Variants in PHKB observed in about 807,000 individuals in gnomAD.
The protein encoded by PHKB is phosphorylase b kinase regulatory subunit beta.
PHKB carries 122 observed loss-of-function variants against 152.1 expected under a neutral mutation model. The observed-to-expected ratio is 0.80, with a 90% CI of 0.69 to 0.93. The LOEUF (loss-of-function observed/expected upper bound fraction) is 0.93. Among genes scored for constraint, PHKB ranks in the 40% least tolerant of loss-of-function variants. The pLI, the probability that PHKB is intolerant of heterozygous loss-of-function variation, is 0.00. For missense variants in PHKB, 1,304 were observed against 1,328.4 expected (o/e 0.98, Z 0.29); for synonymous variants, 436 against 464.9 (o/e 0.94, Z 0.80).
chr16:47,555,482 A>G (rs1464396768), intron 7 of PHKB, among the ~76,000 whole-genome samples: 1 of 152,222 alleles, frequency 6.6e-6, no homozygotes, highest in Non-Finnish European at 1.5e-5. Flanking sequence ...ACTATCTCCC[A>G]AACAAATGTT....
chr16:47,512,711 T>G (rs1202682962), intron 5 of PHKB, among the ~76,000 whole-genome samples: 1 of 152,252 alleles, frequency 6.6e-6, no homozygotes, highest in Non-Finnish European at 1.5e-5. Flanking sequence ...GTATTGTTTT[T>G]TAGCTGGACA....
At chr16:47,530,842 G>T (rs1970850138) in intron 6 of PHKB, among the ~76,000 whole-genome samples, 1 of 152,064 alleles carries the variant, frequency 6.6e-6, no homozygotes, top group Admixed American at 6.6e-5. Context: ...CAATACACAA[G>T]AATGCTTAAT....
intron 16 of PHKB, among the ~76,000 whole-genome samples, chr16:47,647,924 T>C (rs541081414): frequency 2.0e-5 from 3 of 152,322 alleles, no homozygotes; most frequent in Admixed American, 1.3e-4. Context: ...TATATATTTA[T>C]TGATGTACTT....
chr16:47,589,144 C>A, intron 10 of PHKB, 42 bp downstream of exon 10: 1 of 1,434,788 alleles, frequency 7.0e-7, no homozygotes, highest in South Asian at 1.2e-5. Flanking sequence ...TCAGAGCAAT[C>A]AAAAGCACAG....
intron 7 of PHKB, among the ~76,000 whole-genome samples, chr16:47,569,721 A>G (rs543752631): frequency 6.6e-6 from 1 of 152,274 alleles, no homozygotes; most frequent in South Asian, 2.1e-4. Context: ...CCCAGGCTTA[A>G]GCGATCCTCC....
At chr16:47,525,574 A>G (rs1252640581) in intron 6 of PHKB, among the ~76,000 whole-genome samples, 2 of 152,190 alleles carry the variant, frequency 1.3e-5, no homozygotes, top group Non-Finnish European at 2.9e-5. Flanking sequence ...CAAGAGATGG[A>G]AGGAACTTGG....
At chr16:47,483,579 C>G (rs181078994) in intron 1 of PHKB, among the ~76,000 whole-genome samples, 2 of 152,264 alleles carry the variant, frequency 1.3e-5, no homozygotes, top group East Asian at 3.9e-4. Flanking sequence ...AGGCTACATA[C>G]GTTTATTCTA....
chr16:47,654,807 T>TG (rs1212116558), intron 20 of PHKB, among the ~76,000 whole-genome samples: 1 of 32,144 alleles, frequency 3.1e-5, no homozygotes, highest in Non-Finnish European at 6.1e-5. Context: ...TGTTGTGTGG[T>TG]GGGGGGAGGG....
chr16:47,543,751 T>A (rs1971106437), intron 6 of PHKB, among the ~76,000 whole-genome samples: 1 of 152,210 alleles, frequency 6.6e-6, no homozygotes, highest in East Asian at 1.9e-4. Context: ...CTCCAGGAAT[T>A]TATCAATTTC....
chr16:47,593,615 G>A, intron 11 of PHKB, 58 bp downstream of exon 11: 1 of 1,012,678 alleles, frequency 9.9e-7, no homozygotes, highest in Admixed American at 1.7e-5. Context: ...TAAGCTGTAG[G>A]ATTTAAGTGG....
intron 7 of PHKB, among the ~76,000 whole-genome samples, chr16:47,556,465 GT>G (rs1277917241): frequency 6.6e-6 from 1 of 152,178 alleles, no homozygotes; most frequent in East Asian, 1.9e-4. Context: ...TTTATTGAGA[GT>G]TTTTAGCATG....
At chr16:47,629,923 A>T (rs1461895245) in intron 14 of PHKB, among the ~76,000 whole-genome samples, 4 of 151,974 alleles carry the variant, frequency 2.6e-5, no homozygotes, top group Non-Finnish European at 4.4e-5. Flanking sequence ...CTATCGCAAT[A>T]ACAAAAAACC....
Position 47,504,691 on chromosome 16 carries a change from T to C in PHKB, c.405+1601T>C, listed in dbSNP as rs181094652. Among the ~76,000 whole-genome samples the C allele has an allele frequency of 5.9e-5, 9 of 152,378 alleles. No individual in the cohort carries two copies. In the East Asian group the frequency reaches 1.7e-3, roughly 29 times the overall value. On this transcript the variant is annotated intron_variant, in intron 4 of 30. Transcript: ENST00000323584. Reference sequence around the variant, plus strand: ...CCCCGTTTTTTTCCTCTGTTAAATATGGATACCAGTAATACTGCCCTTATT... The same window carrying C: ...CCCCGTTTTTTTCCTCTGTTAAATACGGATACCAGTAATACTGCCCTTATT...
chr16:47,565,904 AT>A, intron 7 of PHKB: 1 of 1,129,366 alleles, frequency 8.9e-7, no homozygotes, highest in East Asian at 2.4e-5. Context: ...GAGGCTTTAG[AT>A]TCAGTTTGGG....
intron 1 of PHKB, among the ~76,000 whole-genome samples, chr16:47,478,278 G>A (rs984558906): frequency 2.6e-5 from 4 of 152,076 alleles, no homozygotes; most frequent in Non-Finnish European, 5.9e-5. Context: ...GTGAAATCTA[G>A]GTAAAGGACA....
Position 47,580,338 on chromosome 16 carries a change from T to C in PHKB, c.754T>C (p.Phe252Leu), listed in dbSNP as rs373920188. Reference sequence around the variant, plus strand: ...AGCAGCTCTAGAAGCAATTAATGGATTCAACCTTTTTGGCAACCAGGTAAA... The same window carrying C: ...AGCAGCTCTAGAAGCAATTAATGGACTCAACCTTTTTGGCAACCAGGTAAA... Reference protein sequence around the residue: ...AKAALEAINGFNLFGNQGCSW... With the variant: ...AKAALEAINGLNLFGNQGCSW... The change falls in exon 8 of 31, where the codon TTC becomes CTC. Residue 252 changes from phenylalanine to leucine, a missense_variant. Phe to Leu is a conservative substitution (Grantham distance 22). Coordinates refer to ENST00000323584, the MANE Select transcript of PHKB (RefSeq NM_000293.3). 173 of 1,612,260 alleles carry C rather than the reference T, an allele frequency of 1.1e-4. No homozygotes were observed. The highest frequency in any genetic ancestry group is 1.4e-4 in the Non-Finnish European group (163 of 1,178,650).
intron 1 of PHKB, among the ~76,000 whole-genome samples, chr16:47,482,703 T>C (rs1969982831): frequency 6.6e-6 from 1 of 152,192 alleles, no homozygotes; most frequent in African/African-American, 2.4e-5. Flanking sequence ...TTTATCAGTA[T>C]AATAACAAGA....
intron 1 of PHKB, among the ~76,000 whole-genome samples, chr16:47,480,208 G>A (rs765545104): frequency 3.9e-5 from 6 of 152,086 alleles, no homozygotes; most frequent in Non-Finnish European, 7.4e-5. Flanking sequence ...CAATTGAATG[G>A]AAATCAGAGG....
intron 1 of PHKB, among the ~76,000 whole-genome samples, chr16:47,489,707 G>A (rs574398951): frequency 6.6e-6 from 1 of 152,302 alleles, no homozygotes; most frequent in East Asian, 1.9e-4. Context: ...TACAAGAACT[G>A]CGTAGGCAAT....
Sources: gnomAD v4.1 joint callset for allele counts (sites outside exome capture counted in the v4.1 genomes callset) on GRCh38, gnomAD v4.1.1 for gene constraint, MANE v1.5 for transcripts, NCBI Gene and HGNC (gene_info 2026-07-23, HGNC 2026-07-21) for gene names.